SERPINB10: variants seen among roughly 807,000 people sequenced by gnomAD.
SERPINB10 encodes the protein serpin family B member 10, also known as serpin B10.
A neutral mutation model predicts 39.1 loss-of-function variants in SERPINB10; 35 were observed. That is an observed-to-expected ratio of 0.90 (90% CI 0.68 to 1.19). SERPINB10 has a LOEUF of 1.19. SERPINB10 is among the 50% of genes most tolerant of loss of function. SERPINB10 has a pLI of 0.00. For synonymous variants in SERPINB10, 190 were observed against 158.1 expected (o/e 1.20, Z -1.52); for missense variants, 546 against 460.5 (o/e 1.19, Z -1.70).
chr18:63,934,761 A>G (rs758169572), intron 7 of SERPINB10, 77 bp from the exon 8 acceptor site: 2 of 1,431,658 alleles, frequency 1.4e-6, no homozygotes, highest in Admixed American at 2.3e-5. Flanking sequence ...TGTAATTCCT[A>G]GGGTGCTCTC....
intron 1 of SERPINB10, among the ~76,000 whole-genome samples, chr18:63,912,196 G>A (rs918562899): frequency 4.6e-5 from 7 of 152,028 alleles, no homozygotes; most frequent in African/African-American, 1.7e-4. Context: ...AGTCTTTAGG[G>A]TTTTGTAAGT....
chr18:63,931,562 T>C (rs2050222355), intron 6 of SERPINB10, among the ~76,000 whole-genome samples: 1 of 152,300 alleles, frequency 6.6e-6, no homozygotes, highest in Middle Eastern at 3.4e-3. Context: ...GGGTGTTTGT[T>C]TTGCTTTCAT....
At chr18:63,934,445 G>A (rs950155189) in intron 7 of SERPINB10, among the ~76,000 whole-genome samples, 2 of 152,066 alleles carry the variant, frequency 1.3e-5, no homozygotes, top group Non-Finnish European at 2.9e-5. Context: ...TGTTTTCAAA[G>A]AGCTGTCTCC....
chr18:63,911,597 C>A (rs2050064912), intron 1 of SERPINB10, among the ~76,000 whole-genome samples: 1 of 151,864 alleles, frequency 6.6e-6, no homozygotes, highest in South Asian at 2.1e-4. Flanking sequence ...AGGTGTGCAG[C>A]TTTATTTCTA....
chr18:63,934,797 T>C (rs2050249315), intron 7 of SERPINB10, 41 bp from the exon 8 acceptor site: 5 of 1,554,690 alleles, frequency 3.2e-6, no homozygotes, highest in Non-Finnish European at 4.3e-6. Flanking sequence ...CATTCCACTT[T>C]GGAATTACTG....
intron 7 of SERPINB10, 141 bp from the exon 8 acceptor site, chr18:63,934,697 C>T (rs1568251848): frequency 2.5e-6 from 2 of 791,198 alleles, no homozygotes; most frequent in South Asian, 5.0e-5. Flanking sequence ...CAAAGGATTT[C>T]CAGATGTGTG....
At chr18:63,915,384 A>G in intron 1 of SERPINB10, 118 bp from the exon 2 acceptor site, 3 of 604,920 alleles carry the variant, frequency 5.0e-6, no homozygotes, top group Admixed American at 3.4e-5. Flanking sequence ...GCTAAAGTCT[A>G]TTCAGCTCAT....
intron 1 of SERPINB10, among the ~76,000 whole-genome samples, chr18:63,909,902 G>A (rs2050051459): frequency 6.6e-6 from 1 of 152,024 alleles, no homozygotes; most frequent in Non-Finnish European, 1.5e-5. Flanking sequence ...AATATTTTAT[G>A]AGAGTGTAGA....
intron 5 of SERPINB10, among the ~76,000 whole-genome samples, chr18:63,929,270 G>T (rs1169403257): frequency 2.0e-5 from 3 of 152,060 alleles, no homozygotes; most frequent in African/African-American, 4.8e-5. Flanking sequence ...ATTTTCAAGA[G>T]TATTTATTTT....
At chr18:63,926,724 G>A (rs1444109771) in intron 5 of SERPINB10, among the ~76,000 whole-genome samples, 1 of 151,848 alleles carries the variant, frequency 6.6e-6, no homozygotes, top group Non-Finnish European at 1.5e-5. Flanking sequence ...GCAATGCAAG[G>A]TCTTGTATTG....
At chr18:63,919,127 A>C (rs748646320) in intron 4 of SERPINB10, among the ~76,000 whole-genome samples, 33 of 151,984 alleles carry the variant, frequency 2.2e-4, no homozygotes, top group Non-Finnish European at 4.6e-4. Flanking sequence ...TTGAAGAATA[A>C]ATTGTGTTCC....
rs150839432 is a variant in SERPINB10 at position 63,912,100 on chromosome 18, T to C, written c.-9-3402T>C. Among the ~76,000 whole-genome samples, 735 of 152,152 alleles carry C rather than the reference T, an allele frequency of 4.8e-3. 8 individuals carry two copies. Among genetic ancestry groups the C allele is most frequent in the African/African-American group, 0.017 (713 of 41,566 alleles). On this transcript the variant is annotated intron_variant, in intron 1 of 7. Transcript: ENST00000238508. ...TCCCTGTTTGAATGTTATTGGTATA[T>C]AGAAATGGTACTGATTTTTGTACGT...
chr18:63,916,576 A>G (rs1273734500), intron 2 of SERPINB10, among the ~76,000 whole-genome samples: 1 of 152,084 alleles, frequency 6.6e-6, no homozygotes, highest in Non-Finnish European at 1.5e-5. Context: ...AAAAACAACA[A>G]CAGCAACAAC....
intron 5 of SERPINB10, among the ~76,000 whole-genome samples, chr18:63,920,415 A>G (rs1041414903): frequency 6.6e-6 from 1 of 151,976 alleles, no homozygotes; most frequent in Admixed American, 6.6e-5. Context: ...AATAGTTCAA[A>G]GGTAGTTAGG....
At chr18:63,922,357 C>T (rs1223772200) in intron 5 of SERPINB10, among the ~76,000 whole-genome samples, 1 of 151,988 alleles carries the variant, frequency 6.6e-6, no homozygotes, top group Non-Finnish European at 1.5e-5. Context: ...TTACTAGGTA[C>T]TTGCACTTTT....
intron 6 of SERPINB10, among the ~76,000 whole-genome samples, chr18:63,932,434 C>A (rs998286291): frequency 6.6e-6 from 1 of 152,066 alleles, no homozygotes; most frequent in Admixed American, 6.5e-5. Flanking sequence ...CATATTTTAG[C>A]CATTCTAGTA....
At chr18:63,918,248 A>G in intron 4 of SERPINB10, 146 bp downstream of exon 4, 1 of 724,648 alleles carries the variant, frequency 1.4e-6, no homozygotes, top group South Asian at 1.9e-5. Flanking sequence ...AGACCAACCA[A>G]TGAGTGTCTA....
At chr18:63,912,658 T>C (rs1418381461) in intron 1 of SERPINB10, among the ~76,000 whole-genome samples, 1 of 152,044 alleles carries the variant, frequency 6.6e-6, no homozygotes, top group Non-Finnish European at 1.5e-5. Context: ...AACTTTTTGA[T>C]ATGCTGCTGG....
intron 5 of SERPINB10, among the ~76,000 whole-genome samples, chr18:63,923,224 G>A (rs563009833): frequency 6.6e-6 from 1 of 151,956 alleles, no homozygotes; most frequent in East Asian, 1.9e-4. Context: ...TCTAGAGAGG[G>A]AGAAAGCTGT....
Sources: gnomAD v4.1 joint callset for allele counts (sites outside exome capture counted in the v4.1 genomes callset) on GRCh38, gnomAD v4.1.1 for gene constraint, MANE v1.5 for transcripts, NCBI Gene and HGNC (gene_info 2026-07-23, HGNC 2026-07-21) for gene names.